The following NLRP12 variants were observed in gnomAD, a reference collection of about 807,000 sequenced individuals.
NLRP12 encodes the protein NACHT, LRR and PYD domains-containing protein 12.
In NLRP12, 108 loss-of-function variants were observed where a neutral mutation model predicts 91.2. The observed-to-expected ratio is 1.18, with a 90% CI of 1.01 to 1.39. NLRP12 has a LOEUF of 1.39. NLRP12 is among the 40% of genes most tolerant of loss of function. The pLI, the probability that NLRP12 is intolerant of heterozygous loss-of-function variation, is 0.00. For synonymous variants in NLRP12, 613 were observed against 566.7 expected (o/e 1.08, Z -1.16); for missense variants, 1,530 against 1,352.7 (o/e 1.13, Z -2.06).
At chr19:53,795,019 C>T (rs748018686) in intron 9 of NLRP12, among the ~76,000 whole-genome samples, 4 of 151,918 alleles carry the variant, frequency 2.6e-5, no homozygotes, top group Non-Finnish European at 4.4e-5. Context: ...TTCACTGCAG[C>T]CTTGAACTCC....
At chr19:53,812,457 G>T (rs2122693651) in intron 2 of NLRP12, among the ~76,000 whole-genome samples, 2 of 151,826 alleles carry the variant, frequency 1.3e-5, no homozygotes, top group African/African-American at 4.8e-5. Flanking sequence ...TAATTGGGGT[G>T]ACTGTGTCCC....
intron 9 of NLRP12, among the ~76,000 whole-genome samples, chr19:53,795,536 G>A (rs1015300614): frequency 1.7e-4 from 25 of 150,674 alleles, no homozygotes; most frequent in Non-Finnish European, 2.7e-4. Context: ...CACCACGCCC[G>A]GCTAATTTTT....
chr19:53,809,540 A>AC, intron 3 of NLRP12, 47 bp downstream of exon 3: 4 of 1,448,270 alleles, frequency 2.8e-6, no homozygotes, highest in Middle Eastern at 2.5e-4. Context: ...AAAAAAAAAA[A>AC]ACACACGAAC....
Position 53,810,882 on chromosome 19 carries a change from G to A in NLRP12, c.777C>T (p.Ala259=), listed in dbSNP as rs201099539. ...TGAGGTCTTGCATGCTGCATTCCGT[G>A]GCACTCTGGTTCATCTCCCTGCAGT... is the stretch of plus-strand genomic sequence containing the variant. The part of the protein sequence containing the change: ...YINCREMNQS[A]TECSMQDLIF... The change falls in exon 3 of 10, where the codon GCC becomes GCT. Residue 259 remains alanine (A), a synonymous_variant. Coordinates refer to ENST00000324134, the MANE Select transcript of NLRP12 (RefSeq NM_144687.4). The A allele has an allele frequency of 5.0e-6, 8 of 1,614,006 alleles. No individual in the cohort carries two copies. The African/African-American group carries it at 9.3e-5, about 19-fold the overall frequency.
Position 53,810,392 on chromosome 19 carries a change from G to A in NLRP12, c.1267C>T (p.Leu423=), listed in dbSNP as rs201239701. 15 of 1,613,610 alleles carry A rather than the reference G, an allele frequency of 9.3e-6. No individual in the cohort carries two copies. Among genetic ancestry groups the A allele is most frequent in the Non-Finnish European group, 1.3e-5 (15 of 1,179,990 alleles). Residue 423 remains leucine, a synonymous_variant, in exon 3 of 10, where the codon CTG becomes TTG. Transcript: ENST00000324134. Reference sequence around the variant, plus strand: ...GTGGTCCTGGACGTCTGTCTCAACAGCCCCCCACCCTCCAGCTGCTGCTGG... The same window carrying A: ...GTGGTCCTGGACGTCTGTCTCAACAACCCCCCACCCTCCAGCTGCTGCTGG... ...CLQQQLEGGG[L]LRQTSRTTTA...
In NLRP12 at chr19:53,793,923, C is replaced by G. The variant is rs199475872; in HGVS notation, c.*126G>C. ...ATTAATTTGATCCCAAGCAGAGGGACTTTTGATCTCAATCTGCATGAGTCT... is the reference window on the plus strand; with the variant it reads ...ATTAATTTGATCCCAAGCAGAGGGAGTTTTGATCTCAATCTGCATGAGTCT... On this transcript the variant is annotated 3_prime_UTR_variant, in exon 10 of 10. Coordinates refer to ENST00000324134, the MANE Select transcript of NLRP12 (RefSeq NM_144687.4). 3.0e-4 allele frequency: 232 copies of G among 776,302 alleles called. No individual in the cohort carries two copies. In the East Asian group the frequency reaches 4.6e-3, roughly 15 times the overall value. 48.1% of individuals were successfully genotyped at this position (776,302 alleles called of 1,614,324 possible).
At chr19:53,811,441 G>C (rs2092075148) in intron 2 of NLRP12, among the ~76,000 whole-genome samples, 153 bp from the exon 3 acceptor site, 1 of 151,802 alleles carries the variant, frequency 6.6e-6, no homozygotes, top group Non-Finnish European at 1.5e-5. Flanking sequence ...TTGAACCCCT[G>C]AGGTGGAGGT....
Position 53,810,461 on chromosome 19 carries a change from T to G in NLRP12, c.1198A>C (p.Met400Leu). ...YVRDNEPLFTMCFVPLVCWVV... is the reference protein window; with the variant it reads ...YVRDNEPLFTLCFVPLVCWVV... ...CAGCACACCAGGGGGACGAAGCACATGGTGAAGAGAGGCTCGTTGTCCCTC... is the reference window on the plus strand; with the variant it reads ...CAGCACACCAGGGGGACGAAGCACAGGGTGAAGAGAGGCTCGTTGTCCCTC... Residue 400 changes from methionine to leucine, a missense_variant, in exon 3 of 10, where the codon ATG (methionine) becomes CTG (leucine). Transcript: ENST00000324134. The G allele has an allele frequency of 1.2e-6, 2 of 1,614,068 alleles. No individual in the cohort carries two copies. Among genetic ancestry groups the G allele is most frequent in the Non-Finnish European group, 1.7e-6 (2 of 1,180,010 alleles).
rs148506660 is a variant in NLRP12 at position 53,794,088 on chromosome 19, C to T, written c.3147G>A (p.Ala1049=). ...LNKMTHSRLA[A]LRVTKPYLDI... ...CCAAATAAGGTTTTGTTACTCGAAGCGCTGCCAACCTACTGTGGGTCATTT... is the reference window on the plus strand; with the variant it reads ...CCAAATAAGGTTTTGTTACTCGAAGTGCTGCCAACCTACTGTGGGTCATTT... The change falls in exon 10 of 10, where the codon GCG becomes GCA. Residue 1049 remains alanine, a synonymous_variant. Transcript: ENST00000324134. The T allele has an allele frequency of 4.8e-5, 77 of 1,613,806 alleles. No individual in the cohort carries two copies. The highest frequency in any genetic ancestry group is 1.1e-4 in the East Asian group (5 of 44,878).
At chr19:53,796,171 A>C (rs989401668) in intron 8 of NLRP12, 142 bp from the exon 9 acceptor site, 2 of 758,538 alleles carry the variant, frequency 2.6e-6, no homozygotes, top group African/African-American at 3.4e-5. Context: ...GGTTCAAGCG[A>C]TTCTCCTGCC....
intron 7 of NLRP12, among the ~76,000 whole-genome samples, chr19:53,799,928 C>T (rs933370502): frequency 1.3e-5 from 2 of 152,066 alleles, no homozygotes; most frequent in Admixed American, 1.3e-4. Context: ...CTTTGGAAGG[C>T]CAAGGCCAGA....
At position 53,819,707 on chromosome 19, in the gene NLRP12, G is replaced by GTA. The variant is rs374052491; in HGVS notation, c.289+4177_289+4178dup. 9.9e-5 allele frequency among the ~76,000 whole-genome samples: 12 copies of GTA among 121,730 alleles called. 1 individual carries two copies. The highest frequency in any genetic ancestry group is 2.5e-4 in the East Asian group (1 of 3,972). The allele number at this position is 121,730 out of a possible 152,430, so 79.9% of individuals were successfully genotyped here. A position where few individuals can be genotyped will look rare whatever the true frequency, so the allele number is the denominator to read the frequency against. ...TACATATATATACACACACACACAC[G>GTA]TATATATATATGTATGTATGTATAT... On this transcript the variant is annotated intron_variant, in intron 1 of 9. Coordinates refer to ENST00000324134, the MANE Select transcript of NLRP12 (RefSeq NM_144687.4).
In NLRP12 at chr19:53,795,894, C is replaced by G. The variant is rs1184975410; in HGVS notation, c.3063G>C (p.Arg1021=). The G allele has an allele frequency of 1.2e-6, 2 of 1,614,148 alleles. No homozygotes were observed. Among genetic ancestry groups the G allele is most frequent in the South Asian group, 2.2e-5 (2 of 91,080 alleles). Residue 1021 remains arginine, a synonymous_variant, in exon 9 of 10, where the codon CGG becomes CGC. Transcript: ENST00000324134. ...GDTGVRLLCK[R]LSHPGCKLRV... ...GGAGTTTGCAGCCAGGATGGCTCAG[C>G]CGCTTGCAAAGCAGTCGGACACCTG...
At chr19:53,800,891 T>G (rs911433656) in intron 7 of NLRP12, among the ~76,000 whole-genome samples, 6 of 151,594 alleles carry the variant, frequency 4.0e-5, no homozygotes, top group African/African-American at 1.5e-4. Flanking sequence ...GCCAGAAAAA[T>G]CCTTTTAAAA....
intron 1 of NLRP12, among the ~76,000 whole-genome samples, chr19:53,821,761 G>A (rs896471101): frequency 1.3e-5 from 2 of 152,146 alleles, no homozygotes; most frequent in Admixed American, 6.6e-5. Context: ...GGAATCAGAA[G>A]GAGTGGGGGA....
rs1218124674 is a variant in NLRP12 at position 53,823,913 on chromosome 19, T to C, written c.262A>G (p.Arg88Gly). Residue 88 changes from arginine (R) to glycine (G), a missense_variant, in exon 1 of 10, where the codon AGA (arginine) becomes GGA (glycine). Transcript: ENST00000324134. ...ERINRKDLWE[R>G]GQREDLVRDT... is the part of the protein sequence containing the mutation. ...CTCACCAGGTCCTCTCTCTGTCCTC[T>C]CTCCCACAGGTCCTTCCTGTTTATC... 4 of 1,613,844 alleles carry C rather than the reference T, an allele frequency of 2.5e-6. No individual in the cohort carries two copies. Among genetic ancestry groups the C allele is most frequent in the African/African-American group, 1.3e-5 (1 of 74,850 alleles).
chr19:53,823,931 T>C lies in NLRP12; in HGVS notation c.244A>G (p.Arg82Gly). ...LALSTFERINRKDLWERGQRE... is the reference protein window; with the variant it reads ...LALSTFERINGKDLWERGQRE... Reference sequence around the variant, plus strand: ...TGTCCTCTCTCCCACAGGTCCTTCCTGTTTATCCGCTCAAAGGTGCTGAGA... The same window carrying C: ...TGTCCTCTCTCCCACAGGTCCTTCCCGTTTATCCGCTCAAAGGTGCTGAGA... The change falls in exon 1 of 10, where the codon AGG (arginine) becomes GGG (glycine). Residue 82 changes from arginine to glycine, a missense_variant. Coordinates refer to ENST00000324134, the MANE Select transcript of NLRP12 (RefSeq NM_144687.4). 1 of 1,614,138 alleles carries C rather than the reference T, an allele frequency of 6.2e-7. No individual in the cohort carries two copies. Among genetic ancestry groups the C allele is most frequent in the Non-Finnish European group, 8.5e-7 (1 of 1,180,038 alleles).
In NLRP12 at chr19:53,824,262, T is replaced by G; in HGVS notation, c.-88A>C. 7.4e-7 allele frequency: 1 copy of G among 1,354,980 alleles called. No homozygotes were observed. The highest frequency in any genetic ancestry group is 1.0e-6 in the Non-Finnish European group (1 of 961,704). The allele number at this position is 1,354,980 out of a possible 1,614,324, so 83.9% of individuals were successfully genotyped here. On this transcript the variant is annotated 5_prime_UTR_variant, in exon 1 of 10. The change abolishes an upstream ATG in the 5' untranslated region. Coordinates refer to ENST00000324134, the MANE Select transcript of NLRP12 (RefSeq NM_144687.4). ...CAGGGCGACCCCAGCACACCTTCCA[T>G]TGCATCATTCACAGGCAGCGGGCGG... is the stretch of plus-strand genomic sequence containing the variant.
chr19:53,794,324 ATTTT>A (rs796563330), intron 9 of NLRP12, among the ~76,000 whole-genome samples, 188 bp from the exon 10 acceptor site: 1 of 145,804 alleles, frequency 6.9e-6, no homozygotes, highest in South Asian at 2.2e-4. Flanking sequence ...TAACTGCATA[ATTTT>A]TTTTTTTTTG....
Sources: allele counts gnomAD v4.1 joint callset (sites outside exome capture counted in the v4.1 genomes callset), GRCh38; gene constraint gnomAD v4.1.1; transcripts MANE v1.5; gene names NCBI Gene and HGNC (gene_info 2026-07-23, HGNC 2026-07-21).